PGM1: variants seen among roughly 807,000 people sequenced by gnomAD.
PGM1 encodes the protein phosphoglucomutase-1.
A neutral mutation model predicts 55.6 loss-of-function variants in PGM1; 52 were observed. The observed-to-expected ratio is 0.94, with a 90% CI of 0.75 to 1.18. The LOEUF (loss-of-function observed/expected upper bound fraction) is 1.18, where lower values mean the gene tolerates loss of function less well. PGM1 is among the 50% of genes most tolerant of loss of function. The probability of loss-of-function intolerance (pLI) is 0.00; values close to 1 mark genes in which losing one functional copy is unlikely to be tolerated. For synonymous variants in PGM1, 287 were observed against 271.7 expected (o/e 1.06, Z -0.55); for missense variants, 724 against 729.3 (o/e 0.99, Z 0.08).
intron 1 of PGM1, among the ~76,000 whole-genome samples, chr1:63,618,535 C>G (rs2100972940): frequency 6.6e-6 from 1 of 152,260 alleles, no homozygotes; most frequent in East Asian, 1.9e-4. Flanking sequence ...TTTTCCCCCC[C>G]TTACTCCAAA....
At chr1:63,620,309 CTCT>C (rs1321165998) in intron 1 of PGM1, among the ~76,000 whole-genome samples, 1 of 152,202 alleles carries the variant, frequency 6.6e-6, no homozygotes, top group Non-Finnish European at 1.5e-5. Flanking sequence ...CCGTTTTCCA[CTCT>C]TGGGGACAAA....
At chr1:63,599,563 T>A (rs1648176627) in intron 1 of PGM1, among the ~76,000 whole-genome samples, 1 of 150,330 alleles carries the variant, frequency 6.7e-6, no homozygotes, top group Admixed American at 6.6e-5. Flanking sequence ...CGCACTTGAG[T>A]GGGTCACTTG....
At chr1:63,648,427 G>T in intron 7 of PGM1, 90 bp from the exon 8 acceptor site, 1 of 1,425,004 alleles carries the variant, frequency 7.0e-7, no homozygotes, top group South Asian at 1.2e-5. Context: ...TGAGATTTGG[G>T]TGGGGATGCA....
rs905663702 is a variant in PGM1 at position 63,593,705 on chromosome 1, C to A, written c.217C>A (p.Leu73Ile). 4 of 1,601,684 alleles carry A rather than the reference C, an allele frequency of 2.5e-6. No individual in the cohort carries two copies. Among genetic ancestry groups the A allele is most frequent in the South Asian group, 1.1e-5 (1 of 89,582 alleles). ...GTTCTACATGAAGGAGGCCATCCAGCTCATCGCTCGCATCGCTGCCGCCAA... is the reference window on the plus strand; with the variant it reads ...GTTCTACATGAAGGAGGCCATCCAGATCATCGCTCGCATCGCTGCCGCCAA... ...GRFYMKEAIQ[L>I]IARIAAANGI... The change falls in exon 1 of 11, where the codon CTC becomes ATC. Residue 73 changes from leucine to isoleucine, a missense_variant. Leu to Ile is a conservative substitution (Grantham distance 5). This residue lies in a region of PGM1 where 379 missense variants were observed against 357.5 expected (regional missense o/e 1.06). Coordinates refer to ENST00000371084, the MANE Select transcript of PGM1 (RefSeq NM_002633.3).
intron 1 of PGM1, among the ~76,000 whole-genome samples, chr1:63,611,817 C>T (rs1323892443): frequency 2.6e-5 from 4 of 151,990 alleles, no homozygotes; most frequent in East Asian, 1.9e-4. Flanking sequence ...GCAGGAGAAT[C>T]GCTTGAACCA....
At chr1:63,608,473 C>T (rs532333876) in intron 1 of PGM1, among the ~76,000 whole-genome samples, 20 of 152,286 alleles carry the variant, frequency 1.3e-4, no homozygotes, top group Admixed American at 8.5e-4. Context: ...AGCCAGTGCC[C>T]ACCTCGACTG....
At chr1:63,640,900 G>A (rs918879416) in intron 7 of PGM1, among the ~76,000 whole-genome samples, 12 of 152,168 alleles carry the variant, frequency 7.9e-5, no homozygotes, top group African/African-American at 2.7e-4. Context: ...AATCTTCCAG[G>A]GTTGGCCTGG....
intron 1 of PGM1, among the ~76,000 whole-genome samples, chr1:63,604,560 G>T (rs1164267657): frequency 6.6e-6 from 1 of 152,128 alleles, no homozygotes; most frequent in Admixed American, 6.5e-5. Flanking sequence ...ACATTTACTT[G>T]CAAGAAGGGC....
chr1:63,601,280 A>T (rs1648235329), intron 1 of PGM1, among the ~76,000 whole-genome samples: 1 of 152,242 alleles, frequency 6.6e-6, no homozygotes, highest in Non-Finnish European at 1.5e-5. Flanking sequence ...GTGAAACTCC[A>T]GAGTTCCTTT....
chr1:63,615,407 G>A (rs1043270875), intron 1 of PGM1, among the ~76,000 whole-genome samples: 1 of 152,072 alleles, frequency 6.6e-6, no homozygotes, highest in Non-Finnish European at 1.5e-5. Context: ...CCATCGAAAA[G>A]GATGTTCCCT....
chr1:63,619,315 A>C (rs1474188922), intron 1 of PGM1, among the ~76,000 whole-genome samples: 1 of 152,222 alleles, frequency 6.6e-6, no homozygotes, highest in African/African-American at 2.4e-5. Context: ...CACAGTATGG[A>C]AAAAGGGTCA....
chr1:63,638,980 G>A (rs1557437239), intron 7 of PGM1, among the ~76,000 whole-genome samples, 180 bp downstream of exon 7: 1 of 152,086 alleles, frequency 6.6e-6, no homozygotes, highest in East Asian at 1.9e-4. Context: ...AGCACATTCA[G>A]CCAGAAAGGC....
intron 1 of PGM1, among the ~76,000 whole-genome samples, chr1:63,609,002 C>T (rs977186272): frequency 1.3e-5 from 2 of 152,138 alleles, no homozygotes; most frequent in African/African-American, 4.8e-5. Context: ...TATGATTATT[C>T]CAAATACTGA....
intron 1 of PGM1, among the ~76,000 whole-genome samples, chr1:63,615,547 C>CTTTTTTTTT (rs796858830): frequency 1.0e-5 from 1 of 96,110 alleles, no homozygotes; most frequent in Admixed American, 1.1e-4. Context: ...TCTTCTTCTT[C>CTTTTTTTTT]TTCTTTTTTT....
At chr1:63,594,976 G>GA (rs1372900666) in intron 1 of PGM1, among the ~76,000 whole-genome samples, 5 of 102,352 alleles carry the variant, frequency 4.9e-5, no homozygotes, top group East Asian at 3.1e-4. Flanking sequence ...AAAAAAAAAA[G>GA]AAAAAAAAAG....
intron 1 of PGM1, among the ~76,000 whole-genome samples, chr1:63,612,599 C>G (rs1648599285): frequency 6.6e-6 from 1 of 152,176 alleles, no homozygotes. Context: ...ACTTTTCTAC[C>G]TCATGTTGAG....
chr1:63,624,366 G>T (rs1266241389), intron 1 of PGM1, among the ~76,000 whole-genome samples: 1 of 152,202 alleles, frequency 6.6e-6, no homozygotes, highest in Non-Finnish European at 1.5e-5. Flanking sequence ...TTGTGCAGCA[G>T]GGTAGAGATA....
chr1:63,654,722 C>T (rs1039079159), intron 10 of PGM1, among the ~76,000 whole-genome samples: 2 of 151,972 alleles, frequency 1.3e-5, no homozygotes, highest in African/African-American at 2.4e-5. Context: ...CACCACTGCA[C>T]TTCAGCCTGA....
chr1:63,600,075 A>T (rs1356242922), intron 1 of PGM1: 1 of 152,228 alleles, frequency 6.6e-6, no homozygotes, highest in East Asian at 1.9e-4. Context: ...TGTCTTGAAG[A>T]GCGGATAGTG....
Sources: allele counts gnomAD v4.1 joint callset (sites outside exome capture counted in the v4.1 genomes callset), GRCh38; gene constraint gnomAD v4.1.1; regional missense constraint gnomAD v4.1.1; transcripts MANE v1.5; gene names NCBI Gene and HGNC (gene_info 2026-07-23, HGNC 2026-07-21).